CNTN1: variants seen among roughly 807,000 people sequenced by gnomAD.
CNTN1 encodes the protein contactin-1.
Under a neutral mutation model 126.4 loss-of-function variants are expected in CNTN1, and 38 were observed. The ratio of observed to expected loss-of-function variants is 0.30; its 90% CI spans 0.23 to 0.39. The LOEUF (loss-of-function observed/expected upper bound fraction) is 0.39. Among genes scored for constraint, CNTN1 ranks in the 10% least tolerant of loss-of-function variants. CNTN1 has a pLI of 1.00. For synonymous variants in CNTN1, 413 were observed against 422.6 expected, an observed-to-expected ratio of 0.98 and a Z score of 0.28; for missense variants, 1,009 against 1,248.4, an observed-to-expected ratio of 0.81 and a Z score of 2.89.
chr12:40,727,811 G>A (rs1254654226), intron 1 of CNTN1, among the ~76,000 whole-genome samples: 2 of 152,184 alleles, frequency 1.3e-5, no homozygotes, highest in Admixed American at 1.3e-4. Flanking sequence ...AGATGCAAGT[G>A]ATTTATTAAG....
At chr12:40,706,049 A>G (rs1464488958) in intron 1 of CNTN1, among the ~76,000 whole-genome samples, 2 of 151,918 alleles carry the variant, frequency 1.3e-5, no homozygotes. Context: ...AAGATTTGAC[A>G]TGAGATTTGG....
rs139868544 is a variant in CNTN1, at chr12:40,901,534, T to A, written c.-76-6823T>A. On this transcript the variant is annotated intron_variant, in intron 1 of 23. Coordinates refer to ENST00000551295, the MANE Select transcript of CNTN1 (RefSeq NM_001843.4). ...GAATTATTGTAGTAAGTGTGCCAAG[T>A]GAAGGTTGGAATGTTTGATACTCTG... is the stretch of plus-strand genomic sequence containing the variant. 3.4e-4 allele frequency among the ~76,000 whole-genome samples: 52 copies of A among 152,272 alleles called. 1 individual carries two copies. The South Asian group carries it at 8.3e-3, about 24-fold the overall frequency.
chr12:40,981,333 A>G (rs1359514533), intron 16 of CNTN1, among the ~76,000 whole-genome samples: 3 of 152,218 alleles, frequency 2.0e-5, no homozygotes, highest in African/African-American at 7.2e-5. Context: ...TGGGTTTCTT[A>G]CTTGAGTTTT....
intron 1 of CNTN1, among the ~76,000 whole-genome samples, chr12:40,699,925 C>T (rs1315067884): frequency 6.6e-6 from 1 of 152,088 alleles, no homozygotes; most frequent in Non-Finnish European, 1.5e-5. Flanking sequence ...AGGTTAAGGA[C>T]AACAATCTTG....
At chr12:40,710,360 AC>A (rs1941882612) in intron 1 of CNTN1, among the ~76,000 whole-genome samples, 1 of 152,102 alleles carries the variant, frequency 6.6e-6, no homozygotes, top group African/African-American at 2.4e-5. Flanking sequence ...AGTTCATGGC[AC>A]CCCAAAACAA....
chr12:40,717,450 G>T (rs1449053873), intron 1 of CNTN1, among the ~76,000 whole-genome samples: 1 of 152,092 alleles, frequency 6.6e-6, no homozygotes, highest in Non-Finnish European at 1.5e-5. Flanking sequence ...ATATGCATTG[G>T]ATTTCCGACC....
At chr12:40,710,698 A>AT (rs1941890916) in intron 1 of CNTN1, among the ~76,000 whole-genome samples, 1 of 152,214 alleles carries the variant, frequency 6.6e-6, no homozygotes, top group African/African-American at 2.4e-5. Flanking sequence ...ACTGGTATTC[A>AT]TTTAAGATAT....
At chr12:40,725,429 G>A (rs144929166) in intron 1 of CNTN1, among the ~76,000 whole-genome samples, 498 of 126,978 alleles carry the variant, frequency 3.9e-3, no homozygotes, top group Middle Eastern at 0.021. Context: ...AAAAAGGAAA[G>A]AAAAAAAAAG....
At chr12:40,871,213 A>AG (rs1943481535) in intron 1 of CNTN1, among the ~76,000 whole-genome samples, 1 of 150,978 alleles carries the variant, frequency 6.6e-6, no homozygotes, top group African/African-American at 2.4e-5. Flanking sequence ...AAAAAAAAAA[A>AG]ACAGAAGAAG....
intron 1 of CNTN1, among the ~76,000 whole-genome samples, chr12:40,901,341 G>A (rs1944601587): frequency 6.6e-6 from 1 of 152,180 alleles, no homozygotes; most frequent in African/African-American, 2.4e-5. Flanking sequence ...CTAAGTCAGT[G>A]TTTTCCAAAA....
At chr12:40,969,269 A>G (rs897488203) in intron 15 of CNTN1, among the ~76,000 whole-genome samples, 2 of 152,130 alleles carry the variant, frequency 1.3e-5, no homozygotes, top group African/African-American at 4.8e-5. Flanking sequence ...GTTTGGGCAT[A>G]TTAGAATGAA....
intron 1 of CNTN1, among the ~76,000 whole-genome samples, chr12:40,826,261 A>G (rs1249562507): frequency 6.6e-6 from 1 of 152,128 alleles, no homozygotes; most frequent in African/African-American, 2.4e-5. Context: ...TTGATTCTAT[A>G]TATGATTAAA....
chr12:40,908,630 A>G (rs1944921317), intron 2 of CNTN1, 137 bp downstream of exon 2: 1 of 592,686 alleles, frequency 1.7e-6, no homozygotes, highest in Admixed American at 3.2e-5. Flanking sequence ...ATATGTATCA[A>G]GGGTGACCCT....
chr12:40,915,141 A>T (rs529219174), intron 3 of CNTN1, among the ~76,000 whole-genome samples: 58 of 152,166 alleles, frequency 3.8e-4, no homozygotes, highest in Non-Finnish European at 7.2e-4. Context: ...AGGATACATT[A>T]TCAAAAGAAA....
intron 1 of CNTN1, among the ~76,000 whole-genome samples, chr12:40,760,804 C>T (rs903474001): frequency 1.3e-4 from 19 of 148,786 alleles, no homozygotes; most frequent in Non-Finnish European, 8.9e-5. Flanking sequence ...ATAAATAGTT[C>T]ATACTTACAT....
intron 1 of CNTN1, among the ~76,000 whole-genome samples, chr12:40,814,006 G>A (rs1003804857): frequency 1.3e-5 from 2 of 151,954 alleles, no homozygotes; most frequent in Non-Finnish European, 2.9e-5. Flanking sequence ...TTTGAGAAGT[G>A]TCTGTTCATA....
In CNTN1 at chr12:41,070,782, A is replaced by G. The variant is rs1274435144; in HGVS notation, c.*747A>G. ...TTATATTCTACTCTGAAGTTATTTT[A>G]TGCTTTTCTTATCAATTTCAAATCT... On this transcript the variant is annotated 3_prime_UTR_variant, in exon 24 of 24. Coordinates refer to ENST00000551295, the MANE Select transcript of CNTN1 (RefSeq NM_001843.4). The G allele has an allele frequency of 6.6e-6, 1 of 151,990 alleles. No homozygotes were observed. The highest frequency in any genetic ancestry group is 1.5e-5 in the Non-Finnish European group (1 of 67,968). The allele number at this position is 151,990 out of a possible 1,614,324, so 9.4% of individuals were successfully genotyped here. A position where few individuals can be genotyped will look rare whatever the true frequency, so the allele number is the denominator to read the frequency against.
chr12:40,765,693 G>A (rs777100868), intron 1 of CNTN1, among the ~76,000 whole-genome samples: 3 of 152,182 alleles, frequency 2.0e-5, no homozygotes, highest in Non-Finnish European at 2.9e-5. Context: ...GACCTTTGAT[G>A]ACCTTGACAA....
chr12:41,005,764 C>T (rs1948476916), intron 17 of CNTN1, among the ~76,000 whole-genome samples: 1 of 152,150 alleles, frequency 6.6e-6, no homozygotes, highest in Non-Finnish European at 1.5e-5. Context: ...TCTTTTAGCT[C>T]TATCAGGTTG....
Sources: allele counts gnomAD v4.1 joint callset (sites outside exome capture counted in the v4.1 genomes callset), GRCh38; gene constraint gnomAD v4.1.1; transcripts MANE v1.5; gene names NCBI Gene and HGNC (gene_info 2026-07-23, HGNC 2026-07-21).